Variants in GTF2H4 observed in about 807,000 individuals in gnomAD.
The protein encoded by GTF2H4 is general transcription factor IIH subunit 4.
GTF2H4 carries 49 observed loss-of-function variants against 62.2 expected under a neutral mutation model. The ratio of observed to expected loss-of-function variants is 0.79; its 90% CI spans 0.63 to 1.00. The LOEUF is 1.00. Among genes scored for constraint, GTF2H4 ranks in the 50% least tolerant of loss-of-function variants. The pLI is 0.00. For missense variants in GTF2H4, 479 were observed against 587.8 expected (o/e 0.81, Z 1.91); for synonymous variants, 189 against 233.8 (o/e 0.81, Z 1.75).
rs1273021957 is a variant in GTF2H4, at chr6:30,914,028, G to A, written c.*45G>A. On this transcript the variant is annotated 3_prime_UTR_variant, in exon 14 of 14. Coordinates refer to ENST00000259895, the MANE Select transcript of GTF2H4 (RefSeq NM_001517.5). ...GGACCTCGGCGGGCGGGACTGGGCGGGGCGGGGCATCAGAACTCAGGTGTT... is the reference window on the plus strand; with the variant it reads ...GGACCTCGGCGGGCGGGACTGGGCGAGGCGGGGCATCAGAACTCAGGTGTT... 5.4e-6 allele frequency: 8 copies of A among 1,483,002 alleles called. No homozygotes were observed. Among genetic ancestry groups the A allele is most frequent in the Non-Finnish European group, 7.3e-6 (8 of 1,094,698 alleles). The allele number at this position is 1,483,002 out of a possible 1,614,324, so 91.9% of individuals were successfully genotyped here. A position where few individuals can be genotyped will look rare whatever the true frequency, so the allele number is the denominator to read the frequency against.
At position 30,913,084 on chromosome 6, in the gene GTF2H4, C is replaced by T. The variant is rs371224124; in HGVS notation, c.1090-26C>T. 1.2e-6 allele frequency: 2 copies of T among 1,613,296 alleles called. No homozygotes were observed. Among genetic ancestry groups the T allele is most frequent in the African/African-American group, 2.7e-5 (2 of 74,902 alleles). ...TTTCCTGCCTTCTTGCTGGAGCCCT[C>T]ATGCCATTCTTGTCTGTTTTCCTAG... On this transcript the variant is annotated intron_variant, in intron 11 of 13. Transcript: ENST00000259895. This position sits in a 1 kb window ranked among gnomAD's most constrained non-coding sequence, Gnocchi z 4.2.
In GTF2H4 at chr6:30,913,944, C is replaced by G. The variant is rs762916822; in HGVS notation, c.1350C>G (p.Asp450Glu). 6.2e-7 allele frequency: 1 copy of G among 1,605,236 alleles called. No homozygotes were observed. The highest frequency in any genetic ancestry group is 1.7e-5 in the Admixed American group (1 of 59,312). ...TGGTGACCCCGGCCGGGCACAGCGA[C>G]GTCAAGCGCTTTTGGAAGCGGCAGA... ...LMVVTPAGHS[D>E]VKRFWKRQKH... Residue 450 changes from aspartate (D) to glutamate (E), a missense_variant, in exon 14 of 14, where the codon GAC becomes GAG. Asp to Glu is a conservative substitution (Grantham distance 45). Coordinates refer to ENST00000259895, the MANE Select transcript of GTF2H4 (RefSeq NM_001517.5). The surrounding 1 kb of genome is among the most constrained non-coding windows in gnomAD (Gnocchi z 4.2).
Position 30,910,163 on chromosome 6 carries a change from A to G in GTF2H4, c.374+100A>G, listed in dbSNP as rs1213943001. 7.4e-7 allele frequency: 1 copy of G among 1,345,608 alleles called. No homozygotes were observed. The highest frequency in any genetic ancestry group is 1.4e-5 in the African/African-American group (1 of 69,028). The allele number at this position is 1,345,608 out of a possible 1,614,324, so 83.4% of individuals were successfully genotyped here. On this transcript the variant is annotated intron_variant, in intron 4 of 13. Transcript: ENST00000259895. The surrounding 1 kb of genome is among the most constrained non-coding windows in gnomAD (Gnocchi z 4.7). ...AGGGGGAGCTCCTGGGGGCCTCCCC[A>G]GAACCTTGTGGTCTCCACGTTGGGA...
chr6:30,911,458 C>T lies in GTF2H4; in HGVS notation c.700C>T (p.Leu234Phe). 1 of 1,614,060 alleles carries T rather than the reference C, an allele frequency of 6.2e-7. No homozygotes were observed. Residue 234 changes from leucine to phenylalanine, a missense_variant, in exon 8 of 14, where the codon CTC (leucine) becomes TTC (phenylalanine). Coordinates refer to ENST00000259895, the MANE Select transcript of GTF2H4 (RefSeq NM_001517.5). This position sits in a 1 kb window ranked among gnomAD's most constrained non-coding sequence, Gnocchi z 4.3. ...QSRGMDLVEI[L>F]SFLFQLSFST... ...CCGGGGCATGGACCTGGTAGAGATT[C>T]TCTCCTTCCTCTTCCAGCTCAGCTT... is the stretch of plus-strand genomic sequence containing the variant.
chr6:30,911,347 TC>T lies in GTF2H4; in HGVS notation c.672+81del. The T allele has an allele frequency of 6.6e-7, 1 of 1,519,204 alleles. No individual in the cohort carries two copies. The highest frequency in any genetic ancestry group is 9.1e-7 in the Non-Finnish European group (1 of 1,095,484). 94.1% of individuals were successfully genotyped at this position (1,519,204 alleles called of 1,614,324 possible). On this transcript the variant is annotated intron_variant, in intron 7 of 13. Coordinates refer to ENST00000259895, the MANE Select transcript of GTF2H4 (RefSeq NM_001517.5). This position sits in a 1 kb window ranked among gnomAD's most constrained non-coding sequence, Gnocchi z 4.3. ...TGAGAGACTCCTGCCTACAGACTGTTCCCTGATTTTCTCTTCTCTGTCCCTT... is the reference window on the plus strand; with the variant it reads ...TGAGAGACTCCTGCCTACAGACTGTTCCTGATTTTCTCTTCTCTGTCCCTT...
At position 30,910,572 on chromosome 6, in the gene GTF2H4, C is replaced by T; in HGVS notation, c.375-93C>T. The T allele has an allele frequency of 1.2e-6, 1 of 863,858 alleles. No homozygotes were observed. Among genetic ancestry groups the T allele is most frequent in the Non-Finnish European group, 2.0e-6 (1 of 512,572 alleles). 53.5% of individuals were successfully genotyped at this position (863,858 alleles called of 1,614,324 possible). A position where few individuals can be genotyped will look rare whatever the true frequency, so the allele number is the denominator to read the frequency against. On this transcript the variant is annotated intron_variant, in intron 4 of 13. Coordinates refer to ENST00000259895, the MANE Select transcript of GTF2H4 (RefSeq NM_001517.5). The surrounding 1 kb of genome is among the most constrained non-coding windows in gnomAD (Gnocchi z 4.7). ...TCTTGAACTCCTGACCTCAAGTGAT[C>T]CGCCCATCTCGGCCTCCCAAAGTAC...
rs980419739 is a variant in GTF2H4, at chr6:30,910,178, C to G, written c.374+115C>G. The G allele has an allele frequency of 1.6e-5, 19 of 1,154,388 alleles. No individual in the cohort carries two copies. The highest frequency in any genetic ancestry group is 2.4e-5 in the Non-Finnish European group (19 of 803,766). The allele number at this position is 1,154,388 out of a possible 1,614,324, so 71.5% of individuals were successfully genotyped here. ...GGGCCTCCCCAGAACCTTGTGGTCT[C>G]CACGTTGGGAACTCCTTTAGGAGTA... On this transcript the variant is annotated intron_variant, in intron 4 of 13. Coordinates refer to ENST00000259895, the MANE Select transcript of GTF2H4 (RefSeq NM_001517.5). The surrounding 1 kb of genome is among the most constrained non-coding windows in gnomAD (Gnocchi z 4.7).
In GTF2H4 at chr6:30,912,643, TGGAG is replaced by T. The variant is rs1554264794; in HGVS notation, c.1089+191_1089+194del. Among the ~76,000 whole-genome samples the T allele has an allele frequency of 6.6e-6, 1 of 152,010 alleles. No homozygotes were observed. Among genetic ancestry groups the T allele is most frequent in the Non-Finnish European group, 1.5e-5 (1 of 67,992 alleles). ...GTAGACCCTTGAGGGGAAAAAAACA[TGGAG>T]GGAGGAGGTATAGATCTGGATTTGT... On this transcript the variant is annotated intron_variant, in intron 11 of 13. Transcript: ENST00000259895. This position sits in a 1 kb window ranked among gnomAD's most constrained non-coding sequence, Gnocchi z 4.8.
rs1391454607 is a variant in GTF2H4 at position 30,909,769 on chromosome 6, G to T, written c.243-163G>T. Among the ~76,000 whole-genome samples, 2 of 152,176 alleles carry T rather than the reference G, an allele frequency of 1.3e-5. No individual in the cohort carries two copies. The highest frequency in any genetic ancestry group is 2.9e-5 in the Non-Finnish European group (2 of 68,046). ...TGTGTGATATCTGTAATGAGGCTCTGATAAGTAATGCAGTAAAGAATTTGT... is the reference window on the plus strand; with the variant it reads ...TGTGTGATATCTGTAATGAGGCTCTTATAAGTAATGCAGTAAAGAATTTGT... On this transcript the variant is annotated intron_variant, in intron 3 of 13. Transcript: ENST00000259895. The surrounding 1 kb of genome is among the most constrained non-coding windows in gnomAD (Gnocchi z 4.3).
Position 30,911,637 on chromosome 6 carries a change from T to TGGG in GTF2H4, c.742-46_742-44dup. 2 of 691,602 alleles carry TGGG rather than the reference T, an allele frequency of 2.9e-6. No individual in the cohort carries two copies. The highest frequency in any genetic ancestry group is 4.6e-6 in the Non-Finnish European group (2 of 431,404). 42.8% of individuals were successfully genotyped at this position (691,602 alleles called of 1,614,324 possible). A position where few individuals can be genotyped will look rare whatever the true frequency, so the allele number is the denominator to read the frequency against. On this transcript the variant is annotated intron_variant, in intron 8 of 13. Coordinates refer to ENST00000259895, the MANE Select transcript of GTF2H4 (RefSeq NM_001517.5). This position sits in a 1 kb window ranked among gnomAD's most constrained non-coding sequence, Gnocchi z 4.3. ...AAGAATGAATGTATGGGGTTGGGGGTGGGTGGGTTGTGTTTTGGACCCCAG... is the reference window on the plus strand; with the variant it reads ...AAGAATGAATGTATGGGGTTGGGGGTGGGGGGTGGGTTGTGTTTTGGACCCCAG...
chr6:30,908,994 T>C, intron 1 of GTF2H4, 40 bp from the exon 2 acceptor site: 2 of 1,612,382 alleles, frequency 1.2e-6, no homozygotes, highest in African/African-American at 1.3e-5. Context: ...GACACTGGCA[T>C]GGATGGTGAG....
rs377712535 is a variant in GTF2H4, at chr6:30,911,209, G to C, written c.612G>C (p.Leu204=). The part of the protein sequence containing the change: ...PCITSAGFQF[L]LLDTPAQLWY... Reference sequence around the variant, plus strand: ...TTACTTCCGCTGGCTTCCAGTTCCTGTTGCTGGACACCCCGGCTCAGCTCT... The same window carrying C: ...TTACTTCCGCTGGCTTCCAGTTCCTCTTGCTGGACACCCCGGCTCAGCTCT... The change falls in exon 7 of 14, where the codon CTG becomes CTC. Residue 204 remains leucine, a synonymous_variant. Transcript: ENST00000259895. The surrounding 1 kb of genome is among the most constrained non-coding windows in gnomAD (Gnocchi z 4.3). The C allele has an allele frequency of 1.2e-6, 2 of 1,613,566 alleles. No homozygotes were observed. Among genetic ancestry groups the C allele is most frequent in the Middle Eastern group, 1.7e-4 (1 of 5,752 alleles).
In GTF2H4 at chr6:30,911,100, G is replaced by GA; in HGVS notation, c.561-58_561-57insA. The GA allele has an allele frequency of 7.0e-7, 1 of 1,425,816 alleles. No homozygotes were observed. The highest frequency in any genetic ancestry group is 1.4e-5 in the African/African-American group (1 of 71,354). 88.3% of individuals were successfully genotyped at this position (1,425,816 alleles called of 1,614,324 possible). ...ACCAAGAAAAAACGTGAGTGGACAA[G>GA]TGGGGATAGTAGTCTTTCTCTGCAT... On this transcript the variant is annotated intron_variant, in intron 6 of 13. Coordinates refer to ENST00000259895, the MANE Select transcript of GTF2H4 (RefSeq NM_001517.5). This position sits in a 1 kb window ranked among gnomAD's most constrained non-coding sequence, Gnocchi z 4.3.
Position 30,913,208 on chromosome 6 carries a change from T to TGGAAAAGAAAAAG in GTF2H4, c.1137+54_1137+66dup. On this transcript the variant is annotated intron_variant, in intron 12 of 13. Coordinates refer to ENST00000259895, the MANE Select transcript of GTF2H4 (RefSeq NM_001517.5). The surrounding 1 kb of genome is among the most constrained non-coding windows in gnomAD (Gnocchi z 4.2). ...AGGCTGGCAGCTGGTGATGACATGA[T>TGGAAAAGAAAAAG]GGAAAAGAAAAAGGGGCATCCAAAT... 4 of 1,612,884 alleles carry TGGAAAAGAAAAAG rather than the reference T, an allele frequency of 2.5e-6. No homozygotes were observed. The highest frequency in any genetic ancestry group is 3.4e-6 in the Non-Finnish European group (4 of 1,179,378).
chr6:30,913,316 T>C lies in GTF2H4; in HGVS notation c.1145T>C (p.Val382Ala). 2 of 1,613,672 alleles carry C rather than the reference T, an allele frequency of 1.2e-6. No individual in the cohort carries two copies. Among genetic ancestry groups the C allele is most frequent in the Non-Finnish European group, 1.7e-6 (2 of 1,179,984 alleles). Residue 382 changes from valine to alanine, a missense_variant, in exon 13 of 14, where the codon GTG (valine) becomes GCG (alanine). Coordinates refer to ENST00000259895, the MANE Select transcript of GTF2H4 (RefSeq NM_001517.5). The surrounding 1 kb of genome is among the most constrained non-coding windows in gnomAD (Gnocchi z 4.2). ...AHPVMLKQTP[V>A]LPPTITDQIR... ...AACCCTTGCTCCTTGCAGACACCTG[T>C]GCTGCCCCCCACCATCACCGACCAG...
rs1374894547 is a variant in GTF2H4, at chr6:30,912,372, C to T, written c.1003C>T (p.Leu335Phe). The change falls in exon 11 of 14, where the codon CTC (leucine) becomes TTC (phenylalanine). Residue 335 changes from leucine (L) to phenylalanine (F), a missense_variant. By Grantham distance (22) the Leu-to-Phe change is conservative. Coordinates refer to ENST00000259895, the MANE Select transcript of GTF2H4 (RefSeq NM_001517.5). The surrounding 1 kb of genome is among the most constrained non-coding windows in gnomAD (Gnocchi z 4.8). ...CCTCATTGCCCTCTTCTCTGAGATG[C>T]TCTATCGGTTCCCCAACATGGTGGT... ...IALIALFSEM[L>F]YRFPNMVVAQ... The T allele has an allele frequency of 3.7e-6, 6 of 1,612,868 alleles. No homozygotes were observed. Among genetic ancestry groups the T allele is most frequent in the East Asian group, 2.2e-5 (1 of 44,894 alleles).
At position 30,910,010 on chromosome 6, in the gene GTF2H4, C is replaced by T; in HGVS notation, c.321C>T (p.Gly107=). 2 of 1,611,678 alleles carry T rather than the reference C, an allele frequency of 1.2e-6. No homozygotes were observed. Among genetic ancestry groups the T allele is most frequent in the Non-Finnish European group, 1.7e-6 (2 of 1,178,828 alleles). The change falls in exon 4 of 14, where the codon GGC becomes GGT. Residue 107 remains glycine (G), a synonymous_variant. Transcript: ENST00000259895. The surrounding 1 kb of genome is among the most constrained non-coding windows in gnomAD (Gnocchi z 4.7). ...AGCTGCTCCCAGGCGGGCTCCAGGG[C>T]CTCATCCTCAACCCCATTTTCCGCC... ...HTQLLPGGLQ[G]LILNPIFRQN... is the part of the protein sequence containing the mutation.
In GTF2H4 at chr6:30,912,279, G is replaced by A; in HGVS notation, c.959-49G>A. Reference sequence around the variant, plus strand: ...ACACTTGAAAGAAGGGCTTGAGGGAGTCTGGGTGTGGGGGTGGCCTCCTCA... The same window carrying A: ...ACACTTGAAAGAAGGGCTTGAGGGAATCTGGGTGTGGGGGTGGCCTCCTCA... On this transcript the variant is annotated intron_variant, in intron 10 of 13. Transcript: ENST00000259895. The surrounding 1 kb of genome is among the most constrained non-coding windows in gnomAD (Gnocchi z 4.8). 6.2e-7 allele frequency: 1 copy of A among 1,609,604 alleles called. No individual in the cohort carries two copies. Among genetic ancestry groups the A allele is most frequent in the Non-Finnish European group, 8.5e-7 (1 of 1,177,948 alleles).
Position 30,911,692 on chromosome 6 carries a change from T to A in GTF2H4, c.750T>A (p.Ser250=), listed in dbSNP as rs775260594. The A allele has an allele frequency of 1.2e-6, 2 of 1,612,664 alleles. No individual in the cohort carries two copies. The highest frequency in any genetic ancestry group is 1.7e-6 in the Non-Finnish European group (2 of 1,179,658). Residue 250 remains serine, a synonymous_variant, in exon 9 of 14, where the codon TCT becomes TCA. Transcript: ENST00000259895. The surrounding 1 kb of genome is among the most constrained non-coding windows in gnomAD (Gnocchi z 4.3). ...LSFSTLGKDY[S]VEGMSDSLLN... ...AAACCTCTGTTCCTCAGGATTACTC[T>A]GTGGAAGGTATGAGTGATTCTCTGT...
Sources: allele counts gnomAD v4.1 joint callset (sites outside exome capture counted in the v4.1 genomes callset), GRCh38; gene constraint gnomAD v4.1.1; non-coding constraint Gnocchi (gnomAD v3.1); transcripts MANE v1.5; gene names NCBI Gene and HGNC (gene_info 2026-07-23, HGNC 2026-07-21).